The following CDON variants were observed in gnomAD, a reference collection of about 807,000 sequenced individuals.
The protein encoded by CDON is cell adhesion molecule-related/down-regulated by oncogenes.
In CDON, 73 loss-of-function variants were observed where a neutral mutation model predicts 120.9. The ratio of observed to expected loss-of-function variants is 0.60; its 90% CI spans 0.50 to 0.73. The LOEUF is 0.73. CDON is among the 30% of genes least tolerant of loss of function. The pLI is 0.00. For missense variants in CDON, 1,470 were observed against 1,587.3 expected, an observed-to-expected ratio of 0.93 and a Z score of 1.26; for synonymous variants, 566 against 573.5, an observed-to-expected ratio of 0.99 and a Z score of 0.19.
At position 125,997,443 on chromosome 11, in the gene CDON, C is replaced by T. The variant is rs754167690; in HGVS notation, c.2159-33G>A. 7 of 1,451,750 alleles carry T rather than the reference C, an allele frequency of 4.8e-6. 1 individual carries two copies. The South Asian group carries it at 8.2e-5, about 17-fold the overall frequency. The allele number at this position is 1,451,750 out of a possible 1,614,324, so 89.9% of individuals were successfully genotyped here. ...CGGAAACGTTCATTTCAATAACCCACCATGTCAGAGACAAGAATAACATAG... is the reference window on the plus strand; with the variant it reads ...CGGAAACGTTCATTTCAATAACCCATCATGTCAGAGACAAGAATAACATAG... On this transcript the variant is annotated intron_variant, in intron 11 of 19. Transcript: ENST00000531738.
intron 18 of CDON, among the ~76,000 whole-genome samples, chr11:125,966,593 T>G (rs1460319975): frequency 2.0e-5 from 3 of 152,056 alleles, no homozygotes; most frequent in Non-Finnish European, 4.4e-5. Context: ...CTAAACCTGA[T>G]GAAAGCTCAA....
intron 1 of CDON, among the ~76,000 whole-genome samples, chr11:126,039,148 G>T (rs1948184191): frequency 1.3e-5 from 2 of 152,118 alleles, no homozygotes; most frequent in South Asian, 4.1e-4. Context: ...TGATACTGAG[G>T]CATCACAAAA....
At chr11:125,982,538 T>G (rs560143129) in intron 16 of CDON, among the ~76,000 whole-genome samples, 4 of 152,294 alleles carry the variant, frequency 2.6e-5, no homozygotes, top group Non-Finnish European at 5.9e-5. Flanking sequence ...CACCTGCTTG[T>G]GGTCTCACTA....
At chr11:125,970,126 A>G (rs1467872089) in intron 18 of CDON, among the ~76,000 whole-genome samples, 4 of 147,378 alleles carry the variant, frequency 2.7e-5, no homozygotes, top group Admixed American at 6.8e-5. Flanking sequence ...TCTCATGCAT[A>G]TATTCTTGAG....
intron 12 of CDON, among the ~76,000 whole-genome samples, chr11:125,996,175 C>T (rs541649935): frequency 0.024 from 3,164 of 129,702 alleles, 51 homozygotes; most frequent in Middle Eastern, 0.067. Context: ...CACACACACA[C>T]ACACACACAC....
Position 125,959,766 on chromosome 11 carries a change from G to A in CDON, c.*1176C>T, listed in dbSNP as rs543930854. The stretch of plus-strand genomic sequence containing the variant: ...AGCGTGTCCCTGTGCTAATCCAACA[G>A]ACTGGAGAGCTCCCGCCAAGACAGG... On this transcript the variant is annotated 3_prime_UTR_variant, in exon 20 of 20. Coordinates refer to ENST00000531738, the MANE Select transcript of CDON (RefSeq NM_001378964.1). The A allele has an allele frequency of 6.6e-6, 1 of 152,172 alleles. No individual in the cohort carries two copies. The highest frequency in any genetic ancestry group is 1.5e-5 in the Non-Finnish European group (1 of 68,052). 9.4% of individuals were successfully genotyped at this position (152,172 alleles called of 1,614,324 possible). A position where few individuals can be genotyped will look rare whatever the true frequency, so the allele number is the denominator to read the frequency against.
intron 1 of CDON, among the ~76,000 whole-genome samples, chr11:126,028,131 A>C (rs1474997321): frequency 1.3e-5 from 2 of 152,164 alleles, no homozygotes; most frequent in African/African-American, 2.4e-5. Flanking sequence ...AATTTCTATG[A>C]ATACTCATCC....
intron 1 of CDON, among the ~76,000 whole-genome samples, chr11:126,057,244 TC>T (rs1233160662): frequency 2.0e-5 from 3 of 152,096 alleles, no homozygotes; most frequent in African/African-American, 7.2e-5. Context: ...TTTTCTTTTT[TC>T]CCCCAAAGAC....
At chr11:125,995,182 T>A (rs1946746888) in intron 12 of CDON, 130 bp from the exon 13 acceptor site, 5 of 773,378 alleles carry the variant, frequency 6.5e-6, no homozygotes, top group Non-Finnish European at 1.1e-5. Context: ...TATACTAAAG[T>A]ATCTAAAGCC....
chr11:126,054,891 C>T (rs182094760), intron 1 of CDON, among the ~76,000 whole-genome samples: 1 of 152,226 alleles, frequency 6.6e-6, no homozygotes, highest in Admixed American at 6.5e-5. Context: ...TGATACGTAT[C>T]AGTGCCAGGA....
At chr11:125,986,745 G>A (rs915572817) in intron 15 of CDON, among the ~76,000 whole-genome samples, 8 of 148,456 alleles carry the variant, frequency 5.4e-5, no homozygotes, top group Non-Finnish European at 8.9e-5. Context: ...AGCCCTGGGC[G>A]ACAGAGTGAG....
At chr11:125,974,410 G>C (rs370946352) in intron 18 of CDON, among the ~76,000 whole-genome samples, 4 of 63,422 alleles carry the variant, frequency 6.3e-5, no homozygotes, top group Admixed American at 1.7e-4. Flanking sequence ...GGGAGGGAGG[G>C]AGGGAGGGAG....
At chr11:125,976,431 A>G (rs1350591809) in intron 18 of CDON, among the ~76,000 whole-genome samples, 4 of 152,208 alleles carry the variant, frequency 2.6e-5, no homozygotes, top group Admixed American at 1.3e-4. Flanking sequence ...CTGGTGTTCC[A>G]AGCTGAAGAG....
At chr11:126,038,586 A>T (rs1261482091) in intron 1 of CDON, among the ~76,000 whole-genome samples, 1 of 151,994 alleles carries the variant, frequency 6.6e-6, no homozygotes, top group Non-Finnish European at 1.5e-5. Flanking sequence ...CAGGAGGCAG[A>T]GGTTGCAGTG....
chr11:126,030,677 T>C (rs949526383), intron 1 of CDON, among the ~76,000 whole-genome samples: 1 of 152,168 alleles, frequency 6.6e-6, no homozygotes, highest in African/African-American at 2.4e-5. Context: ...TTTTCAGAAC[T>C]ACAAAGAAAA....
At chr11:126,001,108 C>T (rs1180627914) in intron 11 of CDON, among the ~76,000 whole-genome samples, 1 of 152,018 alleles carries the variant, frequency 6.6e-6, no homozygotes, top group Non-Finnish European at 1.5e-5. Context: ...TTTGATGAGT[C>T]ACACACATGA....
intron 1 of CDON, among the ~76,000 whole-genome samples, chr11:126,044,262 A>T (rs1406134269): frequency 1.3e-5 from 2 of 152,232 alleles, no homozygotes; most frequent in Non-Finnish European, 2.9e-5. Flanking sequence ...GGTTTTCTTC[A>T]TACTTTGGTA....
intron 1 of CDON, among the ~76,000 whole-genome samples, chr11:126,040,809 C>T (rs1434078254): frequency 1.7e-4 from 14 of 82,732 alleles, no homozygotes; most frequent in African/African-American, 6.5e-4. Flanking sequence ...AGAAAGACTC[C>T]GTCTCAAAAA....
intron 1 of CDON, among the ~76,000 whole-genome samples, chr11:126,036,922 A>C (rs1396317474): frequency 6.6e-6 from 1 of 152,212 alleles, no homozygotes; most frequent in African/African-American, 2.4e-5. Flanking sequence ...TCCTGGCCTC[A>C]ATCGATCTGC....
Sources: allele counts gnomAD v4.1 joint callset (sites outside exome capture counted in the v4.1 genomes callset), GRCh38; gene constraint gnomAD v4.1.1; transcripts MANE v1.5; gene names NCBI Gene and HGNC (gene_info 2026-07-23, HGNC 2026-07-21).